The following NOTCH1 variants were observed in gnomAD, a reference collection of about 807,000 sequenced individuals.
The protein encoded by NOTCH1 is notch receptor 1, also known as neurogenic locus notch homolog protein 1.
A neutral mutation model predicts 254.8 loss-of-function variants in NOTCH1; 37 were observed. The ratio of observed to expected loss-of-function variants is 0.15; its 90% CI spans 0.11 to 0.19. The LOEUF is 0.19. Among genes scored for constraint, NOTCH1 ranks in the 10% least tolerant of loss-of-function variants. NOTCH1 has a pLI of 1.00. For missense variants in NOTCH1, 2,972 were observed against 3,708.6 expected (o/e 0.80, Z 5.16); for synonymous variants, 1,731 against 1,618.1 (o/e 1.07, Z -1.68).
Position 136,518,849 on chromosome 9 carries a change from C to A in NOTCH1, c.866-25G>T, listed in dbSNP as rs765155782. ...CCTGCAGGGAACAGGAGCTGTCGGC[C>A]CCGGGCAGCTGCCACTCCCTGAGCT... is the stretch of plus-strand genomic sequence containing the variant. On this transcript the variant is annotated intron_variant, in intron 5 of 33. Transcript: ENST00000651671. The A allele has an allele frequency of 3.8e-5, 60 of 1,599,724 alleles. No individual in the cohort carries two copies. In the Middle Eastern group the frequency reaches 2.8e-3, roughly 75 times the overall value.
At chr9:136,516,395 C>T (rs768743256) in intron 9 of NOTCH1, among the ~76,000 whole-genome samples, 30 of 152,342 alleles carry the variant, frequency 2.0e-4, no homozygotes, top group African/African-American at 5.5e-4. Context: ...GTGTCTGGGA[C>T]GGGTAATCTA....
In NOTCH1 at chr9:136,510,640, C is replaced by A. The variant is rs547903880; in HGVS notation, c.2740+13G>T. The stretch of plus-strand genomic sequence containing the variant: ...AGCTTCCTGGAGGAGGCCAGAGCCG[C>A]GGGGCTACTCACTGGGCCGGCAGTC... On this transcript the variant is annotated intron_variant, in intron 17 of 33. Transcript: ENST00000651671. 1.2e-6 allele frequency: 2 copies of A among 1,601,114 alleles called. No homozygotes were observed. Among genetic ancestry groups the A allele is most frequent in the African/African-American group, 2.7e-5 (2 of 74,932 alleles).
intron 2 of NOTCH1, among the ~76,000 whole-genome samples, chr9:136,539,380 G>GT (rs1006643368): frequency 5.3e-5 from 8 of 151,914 alleles, no homozygotes; most frequent in South Asian, 2.1e-4. Flanking sequence ...ACTGTGTGGG[G>GT]TTTTTTTTGT....
Position 136,510,594 on chromosome 9 carries a change from C to A in NOTCH1, c.2740+59G>T, listed in dbSNP as rs1056327006. 5 of 1,565,090 alleles carry A rather than the reference C, an allele frequency of 3.2e-6. No individual in the cohort carries two copies. In the African/African-American group the frequency reaches 5.4e-5, roughly 17 times the overall value. On this transcript the variant is annotated intron_variant, in intron 17 of 33. Coordinates refer to ENST00000651671, the MANE Select transcript of NOTCH1 (RefSeq NM_017617.5). ...CCAGCACCATGCGCACCAACCCTGC[C>A]CGGGGGAACTGAGGCCTGAGAGCTT...
At position 136,502,008 on chromosome 9, in the gene NOTCH1, T is replaced by G. The variant is rs1414106410; in HGVS notation, c.5465A>C (p.Lys1822Thr). The G allele has an allele frequency of 6.2e-7, 1 of 1,612,920 alleles. No homozygotes were observed. Among genetic ancestry groups the G allele is most frequent in the African/African-American group, 1.3e-5 (1 of 74,906 alleles). Residue 1822 changes from lysine to threonine, a missense_variant, in exon 29 of 34, where the codon AAG (lysine) becomes ACG (threonine). Physicochemically the swap from Lys to Thr is moderately conservative, Grantham distance 78. Transcript: ENST00000651671. ...GGGAGCCTCGCGACTCACCCGGAACTTCTTGGTCTCCAGGTCCTCGTCCCC... is the reference window on the plus strand; with the variant it reads ...GGGAGCCTCGCGACTCACCCGGAACGTCTTGGTCTCCAGGTCCTCGTCCCC... Reference protein sequence around the residue: ...EWGDEDLETKKFRFEEPVVLP... With the variant: ...EWGDEDLETKTFRFEEPVVLP...
Position 136,505,429 on chromosome 9 carries a change from G to A in NOTCH1, c.4467C>T (p.Asn1489=), listed in dbSNP as rs773323801. 13 of 1,612,928 alleles carry A rather than the reference G, an allele frequency of 8.1e-6. No homozygotes were observed. In the East Asian group the frequency reaches 1.6e-4, roughly 19 times the overall value. Residue 1489 remains asparagine, a synonymous_variant, in exon 25 of 34, where the codon AAC becomes AAT. Coordinates refer to ENST00000651671, the MANE Select transcript of NOTCH1 (RefSeq NM_017617.5). The part of the protein sequence containing the change: ...CSLNFNDPWK[N]CTQSLQCWKY... Reference sequence around the variant, plus strand: ...TCCAGCACTGCAGAGACTGCGTGCAGTTCTTCCAGGGGTCATTGAAGTTGA... The same window carrying A: ...TCCAGCACTGCAGAGACTGCGTGCAATTCTTCCAGGGGTCATTGAAGTTGA...
At position 136,529,444 on chromosome 9, in the gene NOTCH1, G is replaced by A. The variant is rs967077876; in HGVS notation, c.141-5465C>T. ...CACCACCCACCTTCCAGGAGGCACCGGCTGCTAAGAAATGAGCTGGGCAGG... is the reference window on the plus strand; with the variant it reads ...CACCACCCACCTTCCAGGAGGCACCAGCTGCTAAGAAATGAGCTGGGCAGG... On this transcript the variant is annotated intron_variant, in intron 2 of 33. Coordinates refer to ENST00000651671, the MANE Select transcript of NOTCH1 (RefSeq NM_017617.5). 3.9e-5 allele frequency among the ~76,000 whole-genome samples: 6 copies of A among 152,222 alleles called. No homozygotes were observed. In the East Asian group the frequency reaches 1.2e-3, roughly 29 times the overall value.
chr9:136,499,578 G>T (rs925919190), intron 31 of NOTCH1, among the ~76,000 whole-genome samples: 1 of 152,220 alleles, frequency 6.6e-6, no homozygotes, highest in Non-Finnish European at 1.5e-5. Flanking sequence ...TCAAGTCCCT[G>T]CCCCCAACGG....
chr9:136,503,124 A>C, intron 27 of NOTCH1, 58 bp downstream of exon 27: 1 of 1,605,134 alleles, frequency 6.2e-7, no homozygotes, highest in Non-Finnish European at 8.5e-7. Context: ...TGTCTGGGGC[A>C]CGGGGGGATG....
At position 136,496,821 on chromosome 9, in the gene NOTCH1, A is replaced by G. The variant is rs2133316815; in HGVS notation, c.6918T>C (p.Gly2306=). Residue 2306 remains glycine, a synonymous_variant, in exon 34 of 34, where the codon GGT becomes GGC. Coordinates refer to ENST00000651671, the MANE Select transcript of NOTCH1 (RefSeq NM_017617.5). ...FTVGGSTSLN[G]QCEWLSRLQS... is the part of the protein sequence containing the mutation. ...GCAGCCGGGACAGCCACTCGCATTG[A>G]CCATTCAAACTGGTGGACCCGCCCA... is the stretch of plus-strand genomic sequence containing the variant. The G allele has an allele frequency of 6.2e-7, 1 of 1,612,896 alleles. No individual in the cohort carries two copies. Among genetic ancestry groups the G allele is most frequent in the Non-Finnish European group, 8.5e-7 (1 of 1,179,986 alleles).
chr9:136,504,316 T>C (rs1843043311), intron 26 of NOTCH1, among the ~76,000 whole-genome samples: 1 of 152,206 alleles, frequency 6.6e-6, no homozygotes, highest in Admixed American at 6.5e-5. Flanking sequence ...GGATTACAGG[T>C]GTGAGCCTCC....
rs1345242781 is a variant in NOTCH1 at position 136,511,285 on chromosome 9, A to C, written c.2468-14T>G. On this transcript the variant is annotated splice_polypyrimidine_tract_variant and intron_variant, in intron 15 of 33. Coordinates refer to ENST00000651671, the MANE Select transcript of NOTCH1 (RefSeq NM_017617.5). ...CACACGTGGCACCTGCGGGAAGGAGACACACGTGACCCCGGGAGCCTCACC... is the reference window on the plus strand; with the variant it reads ...CACACGTGGCACCTGCGGGAAGGAGCCACACGTGACCCCGGGAGCCTCACC... The C allele has an allele frequency of 6.2e-7, 1 of 1,606,638 alleles. No homozygotes were observed. The highest frequency in any genetic ancestry group is 1.3e-5 in the African/African-American group (1 of 74,946).
Position 136,505,539 on chromosome 9 carries a change from C to T in NOTCH1, c.4357G>A (p.Glu1453Lys), listed in dbSNP as rs746144524. ...PLIEEACELP[E>K]CQEDAGNKVC... ...TTGTTGCCCGCGTCCTCCTGGCACT[C>T]GGGCAGCTCGCACGCCTCCTCGATC... is the stretch of plus-strand genomic sequence containing the variant. Residue 1453 changes from glutamate to lysine, a missense_variant, in exon 25 of 34, where the codon GAG (glutamate) becomes AAG (lysine). By Grantham distance (56) the Glu-to-Lys change is moderately conservative. Transcript: ENST00000651671. 6 of 1,611,936 alleles carry T rather than the reference C, an allele frequency of 3.7e-6. No individual in the cohort carries two copies. The highest frequency in any genetic ancestry group is 2.2e-5 in the South Asian group (2 of 91,066).
rs980956509 is a variant in NOTCH1 at position 136,498,943 on chromosome 9, C to G, written c.6136G>C (p.Val2046Leu). The G allele has an allele frequency of 6.2e-7, 1 of 1,613,714 alleles. No homozygotes were observed. Among genetic ancestry groups the G allele is most frequent in the Non-Finnish European group, 8.5e-7 (1 of 1,180,016 alleles). Residue 2046 changes from valine to leucine, a missense_variant, in exon 33 of 34, where the codon GTG becomes CTG. Physicochemically the swap from Val to Leu is conservative, Grantham distance 32. Transcript: ENST00000651671. ...TTGTTAGCCCCGTTCTTCAGGAGCA[C>G]AACTGCGGCATCCACATTGTTCACG... Reference protein sequence around the residue: ...AAVNNVDAAVVLLKNGANKDM... With the variant: ...AAVNNVDAAVLLLKNGANKDM...
intron 2 of NOTCH1, among the ~76,000 whole-genome samples, chr9:136,528,394 G>GGGGGTGGGCAGGGACAGTGA (rs1843503442): frequency 3.3e-5 from 1 of 30,366 alleles, no homozygotes; most frequent in African/African-American, 1.5e-4. Context: ...AGGGACAGTG[G>GGGGGTGGGCAGGGACAGTGA]GGGGGGATGG....
rs1385864494 is a variant in NOTCH1 at position 136,503,404 on chromosome 9, G to A, written c.5019-74C>T. 12 of 1,600,438 alleles carry A rather than the reference G, an allele frequency of 7.5e-6. No individual in the cohort carries two copies. In the East Asian group the frequency reaches 1.3e-4, roughly 18 times the overall value. ...CCGCCCACCGGCCAGGGATGCTGCC[G>A]CAGGACACTGAGGCCCATGACGCCA... On this transcript the variant is annotated intron_variant, in intron 26 of 33. Transcript: ENST00000651671.
chr9:136,507,164 G>GT, intron 22 of NOTCH1, 141 bp downstream of exon 22: 1 of 1,509,212 alleles, frequency 6.6e-7, no homozygotes, highest in Admixed American at 1.8e-5. Context: ...CTGGGCAGCT[G>GT]TGAGTCGGCC....
rs751482718 is a variant in NOTCH1, at chr9:136,545,802, G to A, written c.-16C>T. ...GCGGCGGCATGCCTCCCCACCGGCT[G>A]CCCTCTGCGCCCGGGCGGCGGCCTC... On this transcript the variant is annotated 5_prime_UTR_variant, in exon 1 of 34. Coordinates refer to ENST00000651671, the MANE Select transcript of NOTCH1 (RefSeq NM_017617.5). The surrounding 1 kb of genome is among the most constrained non-coding windows in gnomAD (Gnocchi z 6.8). 8.4e-5 allele frequency: 106 copies of A among 1,263,088 alleles called. 2 individuals carry two copies. The East Asian group carries it at 9.9e-4, about 12-fold the overall frequency. 78.2% of individuals were successfully genotyped at this position (1,263,088 alleles called of 1,614,324 possible).
chr9:136,523,864 C>A lies in NOTCH1; in HGVS notation c.256G>T (p.Ala86Ser), dbSNP rs373941045. The A allele has an allele frequency of 1.9e-6, 3 of 1,611,196 alleles. No homozygotes were observed. Among genetic ancestry groups the A allele is most frequent in the Non-Finnish European group, 2.5e-6 (3 of 1,179,382 alleles). The stretch of plus-strand genomic sequence containing the variant: ...GAGAAGCCCAGGGCACAGCTGCAGG[C>A]ATAGTCTGCCACGCCTCTGCGGTCC... ...VVDRRGVADY[A>S]CSCALGFSGP... The change falls in exon 3 of 34, where the codon GCC becomes TCC. Residue 86 changes from alanine (A) to serine (S), a missense_variant. By Grantham distance (99) the Ala-to-Ser change is moderately conservative. Transcript: ENST00000651671.
Sources: allele counts gnomAD v4.1 joint callset (sites outside exome capture counted in the v4.1 genomes callset), GRCh38; gene constraint gnomAD v4.1.1; non-coding constraint Gnocchi (gnomAD v3.1); transcripts MANE v1.5; gene names NCBI Gene and HGNC (gene_info 2026-07-23, HGNC 2026-07-21).